Variants in KIF15 observed in about 807,000 individuals in gnomAD.
KIF15 encodes kinesin family member 15.
KIF15 carries 140 observed loss-of-function variants against 190.6 expected under a neutral mutation model. That is an observed-to-expected ratio of 0.73 (90% CI 0.64 to 0.84). The LOEUF is 0.84. KIF15 is among the 40% of genes least tolerant of loss of function. The pLI, the probability that KIF15 is intolerant of heterozygous loss-of-function variation, is 0.00. For synonymous variants in KIF15, 528 were observed against 551.3 expected (o/e 0.96, Z 0.59); for missense variants, 1,372 against 1,584.4 (o/e 0.87, Z 2.28).
chr3:44,762,098 C>T (rs956194483), intron 1 of KIF15, among the ~76,000 whole-genome samples: 5 of 152,198 alleles, frequency 3.3e-5, no homozygotes, highest in African/African-American at 1.2e-4. Flanking sequence ...GTGCGCATGC[C>T]AGGAGTCTGG....
chr3:44,816,086 A>T (rs1708019702), intron 20 of KIF15, among the ~76,000 whole-genome samples: 1 of 152,156 alleles, frequency 6.6e-6, no homozygotes, highest in South Asian at 2.1e-4. Flanking sequence ...AAAATGCATA[A>T]TTATTACTAA....
chr3:44,801,735 A>C (rs773219099), intron 12 of KIF15, 30 bp from the exon 13 acceptor site: 1 of 1,361,526 alleles, frequency 7.3e-7, no homozygotes, highest in Non-Finnish European at 1.0e-6. Flanking sequence ...ATTATTTTTC[A>C]TGTTTAACCA....
chr3:44,804,951 T>G, intron 14 of KIF15, 76 bp from the exon 15 acceptor site: 2 of 1,475,512 alleles, frequency 1.4e-6, no homozygotes, highest in Non-Finnish European at 1.8e-6. Flanking sequence ...GCCACTGCAC[T>G]CTAGCCTGGG....
At chr3:44,769,674 GT>G (rs371721310) in intron 1 of KIF15, among the ~76,000 whole-genome samples, 21 of 150,018 alleles carry the variant, frequency 1.4e-4, no homozygotes, top group African/African-American at 4.6e-4. Context: ...CTCAGATCCA[GT>G]TTTTTTTTTC....
At chr3:44,763,490 C>T (rs1705239148) in intron 1 of KIF15, among the ~76,000 whole-genome samples, 1 of 151,452 alleles carries the variant, frequency 6.6e-6, no homozygotes, top group Admixed American at 6.6e-5. Flanking sequence ...TTAGTAAAGC[C>T]GGGGTTTCAC....
chr3:44,773,505 G>A (rs2125900999), intron 1 of KIF15, among the ~76,000 whole-genome samples: 1 of 152,264 alleles, frequency 6.6e-6, no homozygotes, highest in East Asian at 1.9e-4. Flanking sequence ...TGCAGCCACT[G>A]GGTTGCGGGT....
chr3:44,812,917 G>A (rs1395842898), intron 18 of KIF15, among the ~76,000 whole-genome samples, 158 bp from the exon 19 acceptor site: 4 of 152,006 alleles, frequency 2.6e-5, no homozygotes, highest in African/African-American at 4.8e-5. Context: ...CCCAGGAGGC[G>A]GAGGTTGAAG....
intron 1 of KIF15, among the ~76,000 whole-genome samples, chr3:44,765,019 C>T (rs1376388965): frequency 2.6e-5 from 4 of 152,180 alleles, no homozygotes; most frequent in Admixed American, 1.3e-4. Context: ...CAAGAGGTAG[C>T]ATATTGAGGT....
At chr3:44,800,509 G>T in intron 11 of KIF15, 72 bp downstream of exon 11, 2 of 1,541,450 alleles carry the variant, frequency 1.3e-6, no homozygotes, top group South Asian at 1.2e-5. Flanking sequence ...CTTGGTGATA[G>T]ACACAACACA....
At chr3:44,832,781 G>A (rs1301981923) in intron 26 of KIF15, among the ~76,000 whole-genome samples, 5 of 152,036 alleles carry the variant, frequency 3.3e-5, no homozygotes, top group Admixed American at 2.6e-4. Flanking sequence ...TTGGGAGGCC[G>A]AGGCGGGTGG....
In KIF15 at chr3:44,829,575, T is replaced by TATGTATATG. The variant is rs1559575005; in HGVS notation, c.2944-394_2944-393insGTATATGAT. Among the ~76,000 whole-genome samples, 293 of 126,100 alleles carry TATGTATATG rather than the reference T, an allele frequency of 2.3e-3. 9 individuals are homozygous for TATGTATATG. Among genetic ancestry groups the TATGTATATG allele is most frequent in the African/African-American group, 8.6e-3 (263 of 30,660 alleles). 82.7% of individuals were successfully genotyped at this position (126,100 alleles called of 152,430 possible). On this transcript the variant is annotated intron_variant, in intron 24 of 34. Coordinates refer to ENST00000326047, the MANE Select transcript of KIF15 (RefSeq NM_020242.3). The stretch of plus-strand genomic sequence containing the variant: ...GTATATATTATATATGTATATATTA[T>TATGTATATG]ATATGTATATATTATATATTATATA...
chr3:44,790,097 A>G (rs1706611241), intron 7 of KIF15, among the ~76,000 whole-genome samples: 1 of 152,228 alleles, frequency 6.6e-6, no homozygotes, highest in African/African-American at 2.4e-5. Flanking sequence ...GAAACAAACA[A>G]TAACAAATAT....
chr3:44,781,403 T>C (rs976052765), intron 5 of KIF15, among the ~76,000 whole-genome samples: 1 of 152,242 alleles, frequency 6.6e-6, no homozygotes, highest in Non-Finnish European at 1.5e-5. Context: ...CATGTAGTAG[T>C]AGTTTATTTC....
At chr3:44,841,000 G>A in intron 28 of KIF15, 74 bp from the exon 29 acceptor site, 1 of 1,335,690 alleles carries the variant, frequency 7.5e-7, no homozygotes, top group East Asian at 2.3e-5. Flanking sequence ...TTATGTACTT[G>A]ACATTTACGT....
At chr3:44,851,023 A>G (rs1027028364) in intron 32 of KIF15, among the ~76,000 whole-genome samples, 1 of 152,210 alleles carries the variant, frequency 6.6e-6, no homozygotes, top group African/African-American at 2.4e-5. Context: ...GGATTTTGGG[A>G]GACCAAGGAG....
In KIF15 at chr3:44,797,916, CACTTA is replaced by C. The variant is rs758146098; in HGVS notation, c.1063_1067del (p.Asn355CysfsTer8). 16 of 1,613,792 alleles carry C rather than the reference CACTTA, an allele frequency of 9.9e-6. No homozygotes were observed. The highest frequency in any genetic ancestry group is 1.6e-4 in the Middle Eastern group (1 of 6,062). On this transcript the variant is annotated frameshift_variant, in exon 10 of 35. Coordinates refer to ENST00000326047, the MANE Select transcript of KIF15 (RefSeq NM_020242.3). LOFTEE classifies it high-confidence loss of function. The stretch of plus-strand genomic sequence containing the variant: ...AGGTGTTTTGGGGAAACCCTATCAA[CACTTA>C]ACTTTGCTCAAAGAGCCAAGCTGAT...
At chr3:44,786,900 G>A (rs1210821669) in intron 7 of KIF15, among the ~76,000 whole-genome samples, 1 of 152,116 alleles carries the variant, frequency 6.6e-6, no homozygotes. Flanking sequence ...TAAACCAGCT[G>A]GCTGTTCTTT....
intron 20 of KIF15, among the ~76,000 whole-genome samples, chr3:44,817,767 A>G (rs1430051430): frequency 2.6e-5 from 4 of 152,144 alleles, no homozygotes; most frequent in South Asian, 2.1e-4. Flanking sequence ...GTTTTTTCCA[A>G]TTCTGTGAAG....
chr3:44,810,321 A>G (rs1304901567), intron 16 of KIF15, among the ~76,000 whole-genome samples: 1 of 152,056 alleles, frequency 6.6e-6, no homozygotes, highest in Non-Finnish European at 1.5e-5. Flanking sequence ...GTGTGATAAT[A>G]GCTCACTGCA....
Sources: allele counts gnomAD v4.1 joint callset (sites outside exome capture counted in the v4.1 genomes callset), GRCh38; gene constraint gnomAD v4.1.1; transcripts MANE v1.5; gene names NCBI Gene and HGNC (gene_info 2026-07-23, HGNC 2026-07-21).